The following MDGA2 variants were observed in gnomAD, a reference collection of about 807,000 sequenced individuals.
MDGA2 encodes the protein MAM domain containing glycosylphosphatidylinositol anchor 2.
A neutral mutation model predicts 117.8 loss-of-function variants in MDGA2; 40 were observed. The observed-to-expected ratio is 0.34, with a 90% CI of 0.26 to 0.44. The LOEUF (loss-of-function observed/expected upper bound fraction) is 0.44, where lower values mean the gene tolerates loss of function less well. Ranked by LOEUF, MDGA2 falls within the 20% of genes least tolerant of loss-of-function variation. MDGA2 has a pLI of 1.00. For synonymous variants in MDGA2, 452 were observed against 439.0 expected, an observed-to-expected ratio of 1.03 and a Z score of -0.37; for missense variants, 1,123 against 1,250.6, an observed-to-expected ratio of 0.90 and a Z score of 1.54.
At chr14:47,466,817 TTAA>T (rs1370110834) in intron 1 of MDGA2, among the ~76,000 whole-genome samples, 4 of 150,962 alleles carry the variant, frequency 2.6e-5, no homozygotes. Flanking sequence ...TACTCTCATG[TTAA>T]TAACATATTA....
rs574407451 is a variant in MDGA2, at chr14:47,469,400, C to T, written c.281-167850G>A. ...GTTCCCACCTATGAGTGAGAATATG[C>T]GGTGTTTGGTTTTTTGTCCTTGCAA... On this transcript the variant is annotated intron_variant, in intron 1 of 16. Coordinates refer to ENST00000399232, the MANE Select transcript of MDGA2 (RefSeq NM_001113498.3). 5.6e-4 allele frequency among the ~76,000 whole-genome samples: 85 copies of T among 152,122 alleles called. 1 individual carries two copies. In the South Asian group the frequency reaches 7.9e-3, roughly 14 times the overall value.
intron 3 of MDGA2, among the ~76,000 whole-genome samples, chr14:47,197,810 G>A (rs1885342984): frequency 6.6e-6 from 1 of 152,156 alleles, no homozygotes; most frequent in Admixed American, 6.5e-5. Context: ...TCAGGAGGCT[G>A]AGGCAGGAGA....
chr14:47,252,535 T>C (rs1318568740), intron 2 of MDGA2, among the ~76,000 whole-genome samples: 3 of 152,158 alleles, frequency 2.0e-5, no homozygotes, highest in South Asian at 2.1e-4. Context: ...GCAAGAAACA[T>C]GCAGAATTTT....
chr14:47,234,361 T>A (rs1213285868), intron 2 of MDGA2, among the ~76,000 whole-genome samples: 1 of 151,842 alleles, frequency 6.6e-6, no homozygotes, highest in Non-Finnish European at 1.5e-5. Flanking sequence ...ATAGACACCG[T>A]TTATCAATTA....
intron 1 of MDGA2, among the ~76,000 whole-genome samples, chr14:47,568,312 A>AT (rs1356052261): frequency 6.6e-6 from 1 of 152,216 alleles, no homozygotes; most frequent in Non-Finnish European, 1.5e-5. Context: ...TTCTTTTAAT[A>AT]TAACATATAA....
intron 8 of MDGA2, among the ~76,000 whole-genome samples, chr14:46,962,039 A>G (rs1885832736): frequency 6.6e-6 from 1 of 152,182 alleles, no homozygotes; most frequent in Admixed American, 6.5e-5. Context: ...ATTTTGATCA[A>G]TTTGATTCTA....
chr14:47,647,619 T>A (rs10138650), intron 1 of MDGA2, among the ~76,000 whole-genome samples: 1 of 151,968 alleles, frequency 6.6e-6, no homozygotes, highest in East Asian at 1.9e-4. Flanking sequence ...ATTACCCATG[T>A]TGATACTTAA....
chr14:47,277,751 A>G (rs1361223878), intron 2 of MDGA2, among the ~76,000 whole-genome samples: 2 of 152,206 alleles, frequency 1.3e-5, no homozygotes, highest in South Asian at 2.1e-4. Flanking sequence ...GAGATGAATT[A>G]AAATCTCAGG....
chr14:47,111,152 C>A (rs1881015108), intron 5 of MDGA2, among the ~76,000 whole-genome samples: 2 of 152,020 alleles, frequency 1.3e-5, no homozygotes, highest in Non-Finnish European at 2.9e-5. Context: ...GAGGTAGGTA[C>A]TATTATTACT....
At chr14:47,561,032 A>G (rs1456481265) in intron 1 of MDGA2, among the ~76,000 whole-genome samples, 1 of 150,996 alleles carries the variant, frequency 6.6e-6, no homozygotes, top group Non-Finnish European at 1.5e-5. Context: ...TGGGCCCTCT[A>G]TTCTGTTCCA....
intron 7 of MDGA2, among the ~76,000 whole-genome samples, chr14:47,061,034 T>G (rs939125557): frequency 5.3e-5 from 8 of 152,050 alleles, no homozygotes; most frequent in African/African-American, 1.9e-4. Flanking sequence ...TAATTTTATT[T>G]GGATAATTTC....
chr14:47,158,159 A>G (rs1435590612), intron 3 of MDGA2, among the ~76,000 whole-genome samples: 1 of 152,172 alleles, frequency 6.6e-6, no homozygotes, highest in Admixed American at 6.5e-5. Flanking sequence ...ATACACAAAT[A>G]TATATCACTG....
intron 3 of MDGA2, among the ~76,000 whole-genome samples, chr14:47,173,535 T>C (rs373285971): frequency 1.3e-5 from 2 of 152,258 alleles, no homozygotes; most frequent in East Asian, 3.9e-4. Flanking sequence ...CAGAATTTCA[T>C]ATCCAGCCAC....
At chr14:47,071,692 CAA>C (rs1305425679) in intron 6 of MDGA2, among the ~76,000 whole-genome samples, 3 of 151,926 alleles carry the variant, frequency 2.0e-5, no homozygotes, top group Non-Finnish European at 4.4e-5. Flanking sequence ...GGAAGAAAGG[CAA>C]AGAGGGAAAT....
chr14:47,035,284 G>A lies in MDGA2; in HGVS notation c.1546C>T (p.Pro516Ser). The change falls in exon 8 of 17, where the codon CCA becomes TCA. Residue 516 changes from proline (P) to serine (S), a missense_variant. By Grantham distance (74) the Pro-to-Ser change is moderately conservative (BLOSUM62 -1). Coordinates refer to ENST00000399232, the MANE Select transcript of MDGA2 (RefSeq NM_001113498.3). ...SSTVPPNLTV[P>S]QEKSPLVTRE... Reference sequence around the variant, plus strand: ...GTGACCAATGGTGATTTTTCCTGTGGAACAGTCAGATTGGGTGGAACTTGA... The same window carrying A: ...GTGACCAATGGTGATTTTTCCTGTGAAACAGTCAGATTGGGTGGAACTTGA... 1 of 1,613,514 alleles carries A rather than the reference G, an allele frequency of 6.2e-7. No individual in the cohort carries two copies.
At chr14:47,405,146 TAAC>T (rs574262704) in intron 1 of MDGA2, among the ~76,000 whole-genome samples, 65 of 152,324 alleles carry the variant, frequency 4.3e-4, no homozygotes, top group African/African-American at 1.5e-3. Context: ...AAATGATTAA[TAAC>T]AAGAATGGCT....
chr14:47,158,568 C>A (rs904517238), intron 3 of MDGA2, among the ~76,000 whole-genome samples: 2 of 151,234 alleles, frequency 1.3e-5, no homozygotes, highest in Middle Eastern at 3.5e-3. Context: ...ACAACCTCTG[C>A]CTCCTGTTCA....
intron 3 of MDGA2, among the ~76,000 whole-genome samples, chr14:47,210,929 G>T (rs1052642891): frequency 6.6e-6 from 1 of 152,140 alleles, no homozygotes; most frequent in Admixed American, 6.5e-5. Flanking sequence ...GTTACAGTGA[G>T]CTATGATTGT....
chr14:47,559,561 G>GT (rs554844160), intron 1 of MDGA2, among the ~76,000 whole-genome samples: 166 of 149,244 alleles, frequency 1.1e-3, no homozygotes, highest in Admixed American at 4.1e-3. Flanking sequence ...ATGAGTACAA[G>GT]TTTTTTTTTC....
Sources: allele counts gnomAD v4.1 joint callset (sites outside exome capture counted in the v4.1 genomes callset), GRCh38; gene constraint gnomAD v4.1.1; transcripts MANE v1.5; gene names NCBI Gene and HGNC (gene_info 2026-07-23, HGNC 2026-07-21).